The following B3GALT1 variants were observed in gnomAD, a reference collection of about 807,000 sequenced individuals.
B3GALT1 encodes UDP-Gal:betaGlcNAc beta 1,3-galactosyltransferase, polypeptide 1.
B3GALT1 carries 10 observed loss-of-function variants against 23.2 expected under a neutral mutation model. The ratio of observed to expected loss-of-function variants is 0.43; its 90% CI spans 0.27 to 0.73. B3GALT1 has a LOEUF of 0.73. Among genes scored for constraint, B3GALT1 ranks in the 30% least tolerant of loss-of-function variants. B3GALT1 has a pLI of 0.21. For synonymous variants in B3GALT1, 156 were observed against 141.5 expected, an observed-to-expected ratio of 1.10 and a Z score of -0.73; for missense variants, 299 against 405.4, an observed-to-expected ratio of 0.74 and a Z score of 2.25.
chr2:167,588,923 C>T (rs1684626676), intron 2 of B3GALT1, among the ~76,000 whole-genome samples: 1 of 145,364 alleles, frequency 6.9e-6, no homozygotes, highest in Non-Finnish European at 1.5e-5. Flanking sequence ...CCTTCCCTCT[C>T]TCCCTCCCTC....
rs199670599 is a variant in B3GALT1 at position 167,426,276 on chromosome 2, C to CTTT, written c.-510-63887_-510-63885dup. 6.5e-4 allele frequency among the ~76,000 whole-genome samples: 90 copies of CTTT among 137,600 alleles called. 2 individuals carry two copies. Among genetic ancestry groups the CTTT allele is most frequent in the African/African-American group, 2.2e-3 (83 of 37,622 alleles). 90.3% of individuals were successfully genotyped at this position (137,600 alleles called of 152,430 possible). A position where few individuals can be genotyped will look rare whatever the true frequency, so the allele number is the denominator to read the frequency against. On this transcript the variant is annotated intron_variant, in intron 1 of 4. Coordinates refer to ENST00000392690, the MANE Select transcript of B3GALT1 (RefSeq NM_020981.4). ...GGGCATTCAGGATTTGTTTATCATTCTTTTTTTTTTTTTTTTGAGATGGAG... is the reference window on the plus strand; with the variant it reads ...GGGCATTCAGGATTTGTTTATCATTCTTTTTTTTTTTTTTTTTTTGAGATGGAG...
At chr2:167,727,350 C>T (rs1687334065) in intron 3 of B3GALT1, among the ~76,000 whole-genome samples, 1 of 152,170 alleles carries the variant, frequency 6.6e-6, no homozygotes, top group Non-Finnish European at 1.5e-5. Flanking sequence ...GGCCAGCCAA[C>T]TAGTTAGATA....
intron 3 of B3GALT1, among the ~76,000 whole-genome samples, chr2:167,676,453 C>T (rs900384830): frequency 1.3e-5 from 2 of 151,502 alleles, no homozygotes; most frequent in Non-Finnish European, 2.9e-5. Flanking sequence ...TTTTTATCAA[C>T]TCTTCCCATC....
At chr2:167,565,708 C>T (rs1209317757) in intron 2 of B3GALT1, among the ~76,000 whole-genome samples, 1 of 152,230 alleles carries the variant, frequency 6.6e-6, no homozygotes, top group Non-Finnish European at 1.5e-5. Flanking sequence ...GAAGACACTT[C>T]TCACAAGAAG....
intron 3 of B3GALT1, among the ~76,000 whole-genome samples, chr2:167,675,794 A>C (rs1490733994): frequency 6.6e-6 from 1 of 152,030 alleles, no homozygotes; most frequent in African/African-American, 2.4e-5. Flanking sequence ...TTAGGTTTAC[A>C]GCCTTCTGTA....
At chr2:167,494,177 T>A (rs1699746636) in intron 2 of B3GALT1, among the ~76,000 whole-genome samples, 2 of 152,100 alleles carry the variant, frequency 1.3e-5, no homozygotes, top group Admixed American at 6.6e-5. Context: ...CAAAAAATTG[T>A]GTCTAAGATT....
At chr2:167,654,203 A>T (rs189741900) in intron 3 of B3GALT1, among the ~76,000 whole-genome samples, 2 of 152,312 alleles carry the variant, frequency 1.3e-5, no homozygotes, top group Admixed American at 1.3e-4. Context: ...TTGTGTGAAG[A>T]TTAAATGAGC....
At chr2:167,695,559 A>G (rs1303834127) in intron 3 of B3GALT1, among the ~76,000 whole-genome samples, 1 of 152,132 alleles carries the variant, frequency 6.6e-6, no homozygotes, top group Non-Finnish European at 1.5e-5. Flanking sequence ...TACGTCTAAG[A>G]ATATTTCCTG....
At chr2:167,572,155 T>C (rs1178001702) in intron 2 of B3GALT1, among the ~76,000 whole-genome samples, 2 of 151,818 alleles carry the variant, frequency 1.3e-5, no homozygotes, top group African/African-American at 4.8e-5. Flanking sequence ...ATAATTAAAA[T>C]GAAAGTCATT....
intron 1 of B3GALT1, among the ~76,000 whole-genome samples, chr2:167,371,273 A>G (rs1012732136): frequency 6.6e-6 from 1 of 152,128 alleles, no homozygotes; most frequent in Non-Finnish European, 1.5e-5. Context: ...TTGACATAGT[A>G]TGTCATAAAA....
chr2:167,560,351 A>G (rs879629093), intron 2 of B3GALT1, among the ~76,000 whole-genome samples: 82 of 152,232 alleles, frequency 5.4e-4, no homozygotes, highest in Non-Finnish European at 1.1e-3. Context: ...CTGCAAAATC[A>G]TGCCAAAATA....
chr2:167,659,276 T>A (rs1030829885), intron 3 of B3GALT1, among the ~76,000 whole-genome samples: 2 of 152,042 alleles, frequency 1.3e-5, no homozygotes, highest in Non-Finnish European at 2.9e-5. Flanking sequence ...TGTAATTAAT[T>A]TTTTAAATTG....
intron 3 of B3GALT1, among the ~76,000 whole-genome samples, chr2:167,812,231 T>C (rs1336767404): frequency 6.6e-6 from 1 of 152,248 alleles, no homozygotes; most frequent in African/African-American, 2.4e-5. Flanking sequence ...TTGCAAGATA[T>C]GCTGAGCATG....
chr2:167,394,988 C>T lies in B3GALT1; in HGVS notation c.-510-95189C>T, dbSNP rs116301915. Among the ~76,000 whole-genome samples, 530 of 152,070 alleles carry T rather than the reference C, an allele frequency of 3.5e-3. 5 individuals carry two copies. The highest frequency in any genetic ancestry group is 6.9e-3 in the South Asian group (33 of 4,810). On this transcript the variant is annotated intron_variant, in intron 1 of 4. Coordinates refer to ENST00000392690, the MANE Select transcript of B3GALT1 (RefSeq NM_020981.4). Reference sequence around the variant, plus strand: ...TCATAAATGGAGGAAGAATTTTGCCCCTGGATGTCGCTTACCTACAGTCTC... The same window carrying T: ...TCATAAATGGAGGAAGAATTTTGCCTCTGGATGTCGCTTACCTACAGTCTC...
intron 3 of B3GALT1, among the ~76,000 whole-genome samples, chr2:167,664,252 G>C (rs981801239): frequency 2.6e-5 from 4 of 151,178 alleles, no homozygotes; most frequent in Admixed American, 2.6e-4. Flanking sequence ...TCTCAGGTTT[G>C]TCAAAGATCA....
chr2:167,726,854 C>G (rs1687324810), intron 3 of B3GALT1, among the ~76,000 whole-genome samples: 1 of 152,218 alleles, frequency 6.6e-6, no homozygotes, highest in African/African-American at 2.4e-5. Context: ...TACATGTAAG[C>G]AACATTTGGC....
At chr2:167,767,744 T>G (rs1163425532) in intron 3 of B3GALT1, among the ~76,000 whole-genome samples, 1 of 152,178 alleles carries the variant, frequency 6.6e-6, no homozygotes, top group East Asian at 1.9e-4. Flanking sequence ...AAGGGAGAAT[T>G]GTGTGAAAAA....
At chr2:167,498,991 T>C (rs982244363) in intron 2 of B3GALT1, among the ~76,000 whole-genome samples, 1 of 152,208 alleles carries the variant, frequency 6.6e-6, no homozygotes, top group Non-Finnish European at 1.5e-5. Flanking sequence ...TTGGTCTGTA[T>C]GTAAGACCTG....
chr2:167,693,620 A>G (rs1230967643), intron 3 of B3GALT1, among the ~76,000 whole-genome samples: 1 of 152,128 alleles, frequency 6.6e-6, no homozygotes, highest in East Asian at 1.9e-4. Flanking sequence ...TTACAAACTC[A>G]ATACACTAAT....
Sources: allele counts gnomAD v4.1 joint callset (sites outside exome capture counted in the v4.1 genomes callset), GRCh38; gene constraint gnomAD v4.1.1; transcripts MANE v1.5; gene names NCBI Gene and HGNC (gene_info 2026-07-23, HGNC 2026-07-21).